The following SYN3 variants were observed in gnomAD, a reference collection of about 807,000 sequenced individuals.
SYN3 encodes synapsin-3.
In SYN3, 35 loss-of-function variants were observed where a neutral mutation model predicts 65.8. The ratio of observed to expected loss-of-function variants is 0.53; its 90% CI spans 0.41 to 0.70. The LOEUF (loss-of-function observed/expected upper bound fraction) is 0.70. SYN3 is among the 30% of genes least tolerant of loss of function. The pLI is 0.00. For missense variants in SYN3, 680 were observed against 749.0 expected, an observed-to-expected ratio of 0.91 and a Z score of 1.08; for synonymous variants, 270 against 292.9, an observed-to-expected ratio of 0.92 and a Z score of 0.80.
intron 2 of SYN3, among the ~76,000 whole-genome samples, chr22:33,005,243 T>G (rs8138110): frequency 0.029 from 4,459 of 152,268 alleles, 213 homozygotes; most frequent in African/African-American, 0.1. Context: ...TTTGGAGACA[T>G]GCACATGCGA....
intron 9 of SYN3, among the ~76,000 whole-genome samples, chr22:32,537,233 C>T (rs1456232840): frequency 2.6e-5 from 4 of 151,986 alleles, no homozygotes; most frequent in African/African-American, 9.7e-5. Flanking sequence ...GATCTCAGCT[C>T]ACCGCAACCT....
chr22:33,037,906 G>A (rs530201762), intron 1 of SYN3, among the ~76,000 whole-genome samples: 1 of 150,420 alleles, frequency 6.6e-6, no homozygotes, highest in East Asian at 1.9e-4. Flanking sequence ...AAGAAAAGGA[G>A]AAGAAAGAGA....
At chr22:32,559,520 A>C (rs773096744) in intron 7 of SYN3, among the ~76,000 whole-genome samples, 3 of 152,212 alleles carry the variant, frequency 2.0e-5, no homozygotes, top group Admixed American at 6.5e-5. Context: ...AGAGAAAGGC[A>C]GTCTCCTAAT....
chr22:33,048,327 T>C (rs181903700), intron 1 of SYN3, among the ~76,000 whole-genome samples: 11 of 152,274 alleles, frequency 7.2e-5, no homozygotes, highest in Admixed American at 2.0e-4. Flanking sequence ...AGCATGAGGG[T>C]ATGGCAACAC....
intron 6 of SYN3, among the ~76,000 whole-genome samples, chr22:32,685,666 T>C (rs1455644113): frequency 1.3e-5 from 2 of 152,192 alleles, no homozygotes; most frequent in African/African-American, 4.8e-5. Flanking sequence ...TCCAGGTTTG[T>C]GTAAGTGCGC....
At chr22:32,849,723 G>A (rs1420082895) in intron 6 of SYN3, among the ~76,000 whole-genome samples, 2 of 152,144 alleles carry the variant, frequency 1.3e-5, no homozygotes, top group African/African-American at 4.8e-5. Context: ...GGGGCATGGG[G>A]CTGCCTTGTC....
chr22:32,879,746 C>T (rs565738262), intron 4 of SYN3, among the ~76,000 whole-genome samples: 1 of 152,276 alleles, frequency 6.6e-6, no homozygotes, highest in Admixed American at 6.5e-5. Flanking sequence ...GAGTACCTAG[C>T]CGGTGTTAAG....
intron 6 of SYN3, among the ~76,000 whole-genome samples, chr22:32,804,940 G>A (rs1339139058): frequency 2.0e-5 from 3 of 152,120 alleles, no homozygotes; most frequent in South Asian, 2.1e-4. Context: ...AGGCGGCCTC[G>A]GCCCGGGCAA....
At chr22:32,835,481 G>C (rs1330064579) in intron 6 of SYN3, among the ~76,000 whole-genome samples, 2 of 152,072 alleles carry the variant, frequency 1.3e-5, no homozygotes, top group African/African-American at 4.8e-5. Context: ...GCAGGAGGTG[G>C]TTGGGGATGG....
chr22:32,946,800 A>G (rs1054804451), intron 3 of SYN3, among the ~76,000 whole-genome samples: 2 of 152,146 alleles, frequency 1.3e-5, no homozygotes, highest in Non-Finnish European at 2.9e-5. Flanking sequence ...TTTAGGGGGG[A>G]AAATAGCCAT....
intron 1 of SYN3, among the ~76,000 whole-genome samples, chr22:33,040,978 G>A (rs2145933422): frequency 6.6e-6 from 1 of 151,988 alleles, no homozygotes; most frequent in African/African-American, 2.4e-5. Context: ...GCAGTGGCAT[G>A]ATCTCGGCTC....
At chr22:32,680,387 C>T (rs2060507205) in intron 6 of SYN3, among the ~76,000 whole-genome samples, 1 of 152,294 alleles carries the variant, frequency 6.6e-6, no homozygotes, top group East Asian at 1.9e-4. Flanking sequence ...TTGTTTTTCC[C>T]TTGTTTGTCT....
intron 3 of SYN3, among the ~76,000 whole-genome samples, chr22:32,954,314 C>A (rs939193416): frequency 6.6e-6 from 1 of 152,124 alleles, no homozygotes; most frequent in Admixed American, 6.5e-5. Context: ...GTGAGACCAC[C>A]ACAGCTTCAT....
chr22:32,516,346 G>T (rs997232488), intron 13 of SYN3, among the ~76,000 whole-genome samples: 18 of 149,842 alleles, frequency 1.2e-4, no homozygotes, highest in Non-Finnish European at 1.9e-4. Context: ...ATACATCTTT[G>T]ATTTATTTAT....
intron 3 of SYN3, among the ~76,000 whole-genome samples, chr22:32,979,731 T>C (rs1188459752): frequency 2.6e-5 from 4 of 152,220 alleles, no homozygotes; most frequent in South Asian, 2.1e-4. Context: ...GCACTTTTCA[T>C]GGACTAACTC....
intron 3 of SYN3, among the ~76,000 whole-genome samples, chr22:32,962,889 C>A (rs1018869698): frequency 9.9e-5 from 15 of 151,344 alleles, no homozygotes; most frequent in African/African-American, 3.6e-4. Context: ...ACCTATCTCT[C>A]TCTATATATA....
chr22:32,861,816 A>G (rs768532165), intron 6 of SYN3: 1 of 152,628 alleles, frequency 6.6e-6, no homozygotes, highest in Non-Finnish European at 1.5e-5. Context: ...ATTTAAAATC[A>G]TTTATGTAGC....
intron 6 of SYN3, among the ~76,000 whole-genome samples, chr22:32,839,348 G>C (rs978537977): frequency 6.6e-6 from 1 of 152,182 alleles, no homozygotes; most frequent in African/African-American, 2.4e-5. Context: ...GTTTCCCACT[G>C]TCTATCCTTT....
At chr22:33,028,685 G>GTGGTGGTGATGGTGGTGGTGGTGA (rs1569413476) in intron 1 of SYN3, among the ~76,000 whole-genome samples, 8 of 92,802 alleles carry the variant, frequency 8.6e-5, no homozygotes, top group African/African-American at 3.6e-4. Flanking sequence ...GGTGGTGGTG[G>GTGGTGGTGATGGTGGTGGTGGTGA]TGGTGATGGT....
Sources: gnomAD v4.1 joint callset for allele counts (sites outside exome capture counted in the v4.1 genomes callset) on GRCh38, gnomAD v4.1.1 for gene constraint, MANE v1.5 for transcripts, NCBI Gene and HGNC (gene_info 2026-07-23, HGNC 2026-07-21) for gene names.